MOK: variants seen among roughly 807,000 people sequenced by gnomAD.
MOK encodes the protein MAPK/MAK/MRK overlapping kinase.
In MOK, 59 loss-of-function variants were observed where a neutral mutation model predicts 54.2. That is an observed-to-expected ratio of 1.09 (90% confidence interval 0.88 to 1.35). MOK has a LOEUF of 1.35. Among genes scored for constraint, MOK ranks in the 40% most tolerant of loss-of-function variants. The pLI is 0.00. For synonymous variants in MOK, 210 were observed against 202.7 expected (o/e 1.04, Z -0.31); for missense variants, 517 against 526.2 (o/e 0.98, Z 0.17).
downstream of MOK, chr14:102,226,290 C>G (rs905485661): frequency 2.9e-6 from 2 of 700,840 alleles, no homozygotes; most frequent in African/African-American, 3.5e-5. This position sits in a 1 kb window ranked among gnomAD's most constrained non-coding sequence, Gnocchi z 4.8. Context: ...TAGGCTCACA[C>G]AAGAAGGGTG....
chr14:102,295,507 G>A lies in MOK; in HGVS notation c.7+9455C>T, dbSNP rs143477325. On this transcript the variant is annotated intron_variant, in intron 1 of 11. Coordinates refer to ENST00000361847, the MANE Select transcript of MOK (RefSeq NM_014226.3). ...GCATCAGAGCTATGGGGCTTCACCA[G>A]TAGAGGGAGGAAAAGAATTGGGGGA... 2.1e-3 allele frequency among the ~76,000 whole-genome samples: 323 copies of A among 152,340 alleles called. 1 individual carries two copies. The highest frequency in any genetic ancestry group is 3.8e-3 in the Non-Finnish European group (256 of 68,034).
At chr14:102,261,624 C>T (rs1396786710) in intron 4 of MOK, among the ~76,000 whole-genome samples, 2 of 150,218 alleles carry the variant, frequency 1.3e-5, no homozygotes, top group African/African-American at 4.9e-5. Flanking sequence ...ACTTCTGCCT[C>T]CCAGGTTCAA....
downstream of MOK, chr14:102,226,005 T>G: frequency 2.6e-6 from 1 of 382,162 alleles, no homozygotes; most frequent in Non-Finnish European, 4.7e-6. This position sits in a 1 kb window ranked among gnomAD's most constrained non-coding sequence, Gnocchi z 4.8. Flanking sequence ...GTGCCAGGGG[T>G]GGGTCTAGCT....
intron 4 of MOK, chr14:102,260,715 G>A (rs927483632): frequency 2.0e-5 from 3 of 152,118 alleles, no homozygotes; most frequent in Admixed American, 6.5e-5. Flanking sequence ...GGTCTACTGC[G>A]AGGTCTGTTT....
At chr14:102,252,977 G>C (rs975627550) in intron 4 of MOK, among the ~76,000 whole-genome samples, 1 of 152,220 alleles carries the variant, frequency 6.6e-6, no homozygotes, top group Non-Finnish European at 1.5e-5. Flanking sequence ...CTATAAACAT[G>C]GTGGAGACAC....
chr14:102,234,962 G>C (rs1295846089), intron 7 of MOK: 2 of 152,234 alleles, frequency 1.3e-5, no homozygotes, highest in African/African-American at 4.8e-5. Flanking sequence ...CTCACCTCCT[G>C]CTCCCCTCAT....
intron 1 of MOK, among the ~76,000 whole-genome samples, chr14:102,302,857 G>T (rs757025008): frequency 1.3e-5 from 2 of 151,410 alleles, no homozygotes; most frequent in South Asian, 4.2e-4. Flanking sequence ...CTAGGTAGTG[G>T]GGTATGAAGA....
At chr14:102,261,376 G>A (rs1329881043) in intron 4 of MOK, among the ~76,000 whole-genome samples, 14 of 80,046 alleles carry the variant, frequency 1.7e-4, no homozygotes, top group African/African-American at 6.0e-4. Context: ...CTGAGATCGC[G>A]CCACGTCTCA....
chr14:102,276,590 G>C (rs1401119728), intron 2 of MOK, among the ~76,000 whole-genome samples: 1 of 151,840 alleles, frequency 6.6e-6, no homozygotes, highest in East Asian at 1.9e-4. Context: ...CTTTGACCCA[G>C]TGATTCTGTT....
At chr14:102,233,946 T>C (rs2064981736) in intron 7 of MOK, 157 bp from the exon 8 acceptor site, 2 of 605,888 alleles carry the variant, frequency 3.3e-6, no homozygotes, top group Admixed American at 3.0e-5. Context: ...ATCTAGCTGC[T>C]ACCGTAAACA....
chr14:102,218,183 T>C, the MOK span, among the ~76,000 whole-genome samples: 21 of 152,314 alleles, frequency 1.4e-4, no homozygotes, highest in African/African-American at 5.1e-4. Context: ...CGTCTTACTT[T>C]TGTTTGGGTT....
At chr14:102,233,998 C>T (rs1213246174) in intron 7 of MOK, 19 of 523,070 alleles carry the variant, frequency 3.6e-5, no homozygotes, top group South Asian at 4.6e-5. Flanking sequence ...CAAACAACCC[C>T]GGGATGTGAC....
intron 1 of MOK, among the ~76,000 whole-genome samples, chr14:102,293,757 A>T (rs1290125010): frequency 6.6e-6 from 1 of 151,604 alleles, no homozygotes; most frequent in Non-Finnish European, 1.5e-5. Flanking sequence ...AAAAAGACTG[A>T]ATATAAATAT....
intron 1 of MOK, among the ~76,000 whole-genome samples, chr14:102,296,812 C>T (rs2071469528): frequency 6.6e-6 from 1 of 152,138 alleles, no homozygotes; most frequent in African/African-American, 2.4e-5. Context: ...GTAATCCCAG[C>T]ACTTTGGGAG....
At chr14:102,303,580 G>A (rs1307710757) in intron 1 of MOK, among the ~76,000 whole-genome samples, 1 of 152,194 alleles carries the variant, frequency 6.6e-6, no homozygotes, top group Admixed American at 6.6e-5. Context: ...ATGTTATTGG[G>A]ATAAATGGAA....
At chr14:102,282,336 C>T (rs184066017) in intron 2 of MOK, among the ~76,000 whole-genome samples, 36 of 152,154 alleles carry the variant, frequency 2.4e-4, no homozygotes, top group Admixed American at 1.8e-3. Context: ...TGGCTCATGC[C>T]TGTCACTTAT....
chr14:102,218,006 T>C, the MOK span, among the ~76,000 whole-genome samples: 1 of 152,342 alleles, frequency 6.6e-6, no homozygotes, highest in African/African-American at 2.4e-5. Context: ...GGGACGCCAG[T>C]GGAGGTGACC....
chr14:102,234,030 A>C, intron 7 of MOK: 2 of 427,762 alleles, frequency 4.7e-6, no homozygotes, highest in Non-Finnish European at 4.2e-6. Context: ...ACTCCCTCAA[A>C]CTCCCTTCCC....
At chr14:102,269,828 G>C (rs1567201650) in intron 2 of MOK, among the ~76,000 whole-genome samples, 1 of 152,110 alleles carries the variant, frequency 6.6e-6, no homozygotes, top group Non-Finnish European at 1.5e-5. Context: ...TAAAGAAAGA[G>C]ATGAAGATTT....
Sources: gnomAD v4.1 joint callset for allele counts (sites outside exome capture counted in the v4.1 genomes callset) on GRCh38, gnomAD v4.1.1 for gene constraint, Gnocchi (gnomAD v3.1) non-coding constraint, MANE v1.5 for transcripts, NCBI Gene and HGNC (gene_info 2026-07-23, HGNC 2026-07-21) for gene names.